The following SGIP1 variants were observed in gnomAD, a reference collection of about 807,000 sequenced individuals.
SGIP1 encodes SH3GL interacting endocytic adaptor 1, also known as SH3-containing GRB2-like protein 3-interacting protein 1.
SGIP1 carries 38 observed loss-of-function variants against 107.5 expected under a neutral mutation model. The observed-to-expected ratio is 0.35, with a 90% confidence interval of 0.27 to 0.46. The LOEUF (loss-of-function observed/expected upper bound fraction) is 0.46. SGIP1 is among the 20% of genes least tolerant of loss of function. The pLI is 1.00. For synonymous variants in SGIP1, 365 were observed against 366.1 expected, an observed-to-expected ratio of 1.00 and a Z score of 0.03; for missense variants, 929 against 1,019.5, an observed-to-expected ratio of 0.91 and a Z score of 1.21.
rs180985252 is a variant in SGIP1, at chr1:66,624,692, A to G, written c.11-1155A>G. Among the ~76,000 whole-genome samples, 212 of 152,320 alleles carry G rather than the reference A, an allele frequency of 1.4e-3. 1 individual carries two copies. Among genetic ancestry groups the G allele is most frequent in the African/African-American group, 5.0e-3 (207 of 41,578 alleles). On this transcript the variant is annotated intron_variant, in intron 1 of 24. Coordinates refer to ENST00000371037, the MANE Select transcript of SGIP1 (RefSeq NM_032291.4). The stretch of plus-strand genomic sequence containing the variant: ...TTTTCCCTTTGTTCCACCTGGTAGT[A>G]CCAAACAAATTTGAAATATCAGTGA...
chr1:66,613,905 C>A (rs577916459), intron 1 of SGIP1, among the ~76,000 whole-genome samples: 1 of 152,254 alleles, frequency 6.6e-6, no homozygotes, highest in African/African-American at 2.4e-5. Flanking sequence ...TCAACAGGTT[C>A]CTTTTCTACT....
intron 8 of SGIP1, among the ~76,000 whole-genome samples, chr1:66,661,830 G>A (rs1410967538): frequency 6.6e-6 from 1 of 151,904 alleles, no homozygotes; most frequent in Non-Finnish European, 1.5e-5. Context: ...TTTTTCTCCT[G>A]TTGTCCTTCA....
chr1:66,544,382 C>A (rs534998683), intron 1 of SGIP1, among the ~76,000 whole-genome samples: 1 of 152,254 alleles, frequency 6.6e-6, no homozygotes, highest in South Asian at 2.1e-4. Context: ...AGTTGAAATA[C>A]AGGGAATAAA....
intron 1 of SGIP1, among the ~76,000 whole-genome samples, chr1:66,544,962 G>T (rs1285798385): frequency 6.6e-6 from 1 of 152,090 alleles, no homozygotes; most frequent in Non-Finnish European, 1.5e-5. Context: ...TAGAGTCACT[G>T]CTTGGATTAA....
chr1:66,639,809 T>C lies in SGIP1; in HGVS notation c.204T>C (p.Tyr68=). The C allele has an allele frequency of 2.5e-6, 4 of 1,612,274 alleles. No individual in the cohort carries two copies. Among genetic ancestry groups the C allele is most frequent in the Non-Finnish European group, 3.4e-6 (4 of 1,178,928 alleles). ...KKSNGAPNGF[Y]AEIDWERYNS... is the part of the protein sequence containing the mutation. ...GCAATGGGGCACCAAATGGATTTTA[T>C]GCGGAAATTGATTGGGAAAGATATG... The change falls in exon 5 of 25, where the codon TAT becomes TAC. Residue 68 remains tyrosine, a synonymous_variant. Coordinates refer to ENST00000371037, the MANE Select transcript of SGIP1 (RefSeq NM_032291.4).
chr1:66,729,254 G>T lies in SGIP1; in HGVS notation c.1743-10G>T. 6.2e-7 allele frequency: 1 copy of T among 1,613,360 alleles called. No homozygotes were observed. Among genetic ancestry groups the T allele is most frequent in the Admixed American group, 1.7e-5 (1 of 59,944 alleles). ...TCTCTCTCTTTCCTCTCTGTGTTTT[G>T]ATATGCCAGATGTATCGTTAAGATT... On this transcript the variant is annotated splice_polypyrimidine_tract_variant and intron_variant, in intron 19 of 24. Coordinates refer to ENST00000371037, the MANE Select transcript of SGIP1 (RefSeq NM_032291.4).
intron 18 of SGIP1, among the ~76,000 whole-genome samples, chr1:66,702,506 C>T (rs1344162510): frequency 6.6e-6 from 1 of 152,096 alleles, no homozygotes; most frequent in African/African-American, 2.4e-5. Context: ...TAATAAAGTA[C>T]TATACATATG....
At chr1:66,657,823 C>T (rs1024365989) in intron 7 of SGIP1, among the ~76,000 whole-genome samples, 1 of 152,162 alleles carries the variant, frequency 6.6e-6, no homozygotes, top group South Asian at 2.1e-4. Flanking sequence ...CAAGTAAGCC[C>T]AGAGGAATAT....
Position 66,749,724 on chromosome 1 carries a change from C to G in SGIP1, c.*6629C>G, listed in dbSNP as rs1168194008. Among the ~76,000 whole-genome samples the G allele has an allele frequency of 6.6e-6, 1 of 152,028 alleles. No individual in the cohort carries two copies. ...ATACAAATGTTAATTCCATCTCGCT[C>G]ATTCAGTTTTACATTACTTTTATGA... is the stretch of plus-strand genomic sequence containing the variant. On this transcript the variant is annotated 3_prime_UTR_variant, in exon 25 of 25. Coordinates refer to ENST00000371037, the MANE Select transcript of SGIP1 (RefSeq NM_032291.4).
chr1:66,561,248 C>G (rs1225045145), intron 1 of SGIP1, among the ~76,000 whole-genome samples: 1 of 152,004 alleles, frequency 6.6e-6, no homozygotes, highest in Non-Finnish European at 1.5e-5. Context: ...CAGTGACATT[C>G]ACTTTGTTTG....
intron 24 of SGIP1, among the ~76,000 whole-genome samples, chr1:66,742,460 C>CTTTTTTGTTTTTTTTTTTTTTTT (rs2094479104): frequency 2.2e-5 from 1 of 45,104 alleles, no homozygotes. Context: ...AGCACCCTTT[C>CTTTTTTGTTTTTTTTTTTTTTTT]TTTTTTTTTT....
At chr1:66,708,370 A>T (rs1038626138) in intron 18 of SGIP1, among the ~76,000 whole-genome samples, 2 of 152,144 alleles carry the variant, frequency 1.3e-5, no homozygotes, top group Non-Finnish European at 2.9e-5. Context: ...CCAATGCTTG[A>T]TCAAACTCTC....
rs1409026842 is a variant in SGIP1, at chr1:66,743,729, T to C, written c.*634T>C. 2 of 152,658 alleles carry C rather than the reference T, an allele frequency of 1.3e-5. No individual in the cohort carries two copies. Among genetic ancestry groups the C allele is most frequent in the Non-Finnish European group, 2.9e-5 (2 of 68,030 alleles). 9.5% of individuals were successfully genotyped at this position (152,658 alleles called of 1,614,324 possible). A position where few individuals can be genotyped will look rare whatever the true frequency, so the allele number is the denominator to read the frequency against. ...CAAAGAAAAGCATTAGTTACCACTT[T>C]TTAAAAAGCTTTTTTTTCAAACTGC... On this transcript the variant is annotated 3_prime_UTR_variant, in exon 25 of 25. Coordinates refer to ENST00000371037, the MANE Select transcript of SGIP1 (RefSeq NM_032291.4).
chr1:66,743,987 C>G lies in SGIP1; in HGVS notation c.*892C>G, dbSNP rs1039964573. 6.6e-6 allele frequency: 1 copy of G among 152,076 alleles called. No individual in the cohort carries two copies. The highest frequency in any genetic ancestry group is 2.4e-5 in the African/African-American group (1 of 41,422). 9.4% of individuals were successfully genotyped at this position (152,076 alleles called of 1,614,324 possible). On this transcript the variant is annotated 3_prime_UTR_variant, in exon 25 of 25. Coordinates refer to ENST00000371037, the MANE Select transcript of SGIP1 (RefSeq NM_032291.4). Reference sequence around the variant, plus strand: ...GTGATTTTAAGATTTCAAGACTTTCCGTAGTTGAACTGGTTAAGAATTTTT... The same window carrying G: ...GTGATTTTAAGATTTCAAGACTTTCGGTAGTTGAACTGGTTAAGAATTTTT...
At chr1:66,727,538 A>G (rs1572320535) in intron 19 of SGIP1, among the ~76,000 whole-genome samples, 2 of 152,344 alleles carry the variant, frequency 1.3e-5, no homozygotes, top group East Asian at 3.8e-4. Context: ...TGTACTTACC[A>G]AGAGAAATGA....
chr1:66,689,638 A>G (rs1273501151), intron 16 of SGIP1, among the ~76,000 whole-genome samples: 2 of 152,220 alleles, frequency 1.3e-5, no homozygotes, highest in East Asian at 1.9e-4. Context: ...TACAGATGAC[A>G]TATTGATTGT....
At chr1:66,556,133 G>C (rs780014460) in intron 1 of SGIP1, among the ~76,000 whole-genome samples, 1 of 152,108 alleles carries the variant, frequency 6.6e-6, no homozygotes, top group Admixed American at 6.6e-5. Flanking sequence ...GGTCAATGGA[G>C]CATAATATAA....
intron 18 of SGIP1, among the ~76,000 whole-genome samples, chr1:66,718,742 T>C (rs1412069392): frequency 6.6e-6 from 1 of 152,112 alleles, no homozygotes; most frequent in Non-Finnish European, 1.5e-5. Flanking sequence ...TAAGTCGATG[T>C]GTATAGTTTG....
intron 7 of SGIP1, chr1:66,660,079 AGGAGGGAG>A (rs1286699075): frequency 1.3e-5 from 2 of 155,954 alleles, no homozygotes; most frequent in Non-Finnish European, 2.3e-5. Context: ...AAAGGAAGGA[AGGAGGGAG>A]GGAAGGAAGG....
Sources: allele counts gnomAD v4.1 joint callset (sites outside exome capture counted in the v4.1 genomes callset), GRCh38; gene constraint gnomAD v4.1.1; transcripts MANE v1.5; gene names NCBI Gene and HGNC (gene_info 2026-07-23, HGNC 2026-07-21).